Variants in MYO10 observed in about 807,000 individuals in gnomAD.
MYO10 encodes the protein myosin X.
MYO10 carries 133 observed loss-of-function variants against 257.3 expected under a neutral mutation model. The ratio of observed to expected loss-of-function variants is 0.52; its 90% CI spans 0.45 to 0.60. The LOEUF is 0.60. Ranked by LOEUF, MYO10 falls within the 20% of genes least tolerant of loss-of-function variation. The pLI, the probability that MYO10 is intolerant of heterozygous loss-of-function variation, is 0.00. For missense variants in MYO10, 2,399 were observed against 2,635.7 expected, an observed-to-expected ratio of 0.91 and a Z score of 1.97; for synonymous variants, 1,104 against 1,028.6, an observed-to-expected ratio of 1.07 and a Z score of -1.40.
chr5:16,787,210 G>A (rs1170714681), intron 4 of MYO10, among the ~76,000 whole-genome samples: 1 of 152,026 alleles, frequency 6.6e-6, no homozygotes, highest in East Asian at 1.9e-4. Context: ...ATGAAGCCAG[G>A]TTGAAGAACT....
chr5:16,737,262 T>A (rs1183419716), intron 19 of MYO10, among the ~76,000 whole-genome samples: 1 of 152,184 alleles, frequency 6.6e-6, no homozygotes, highest in Non-Finnish European at 1.5e-5. Context: ...CAAACAGTAT[T>A]CCCTTTTAAG....
chr5:16,755,543 A>C (rs1740504662), intron 18 of MYO10, among the ~76,000 whole-genome samples: 1 of 152,224 alleles, frequency 6.6e-6, no homozygotes, highest in Non-Finnish European at 1.5e-5. Flanking sequence ...TAGTACAGAA[A>C]AACTGAGAAA....
At chr5:16,879,986 T>C (rs1394694365) in intron 1 of MYO10, among the ~76,000 whole-genome samples, 8 of 152,152 alleles carry the variant, frequency 5.3e-5, no homozygotes, top group Non-Finnish European at 8.8e-5. Context: ...GAGACCAGCC[T>C]GGCCAACGTG....
chr5:16,726,006 A>G lies in MYO10; in HGVS notation c.1930-14761T>C, dbSNP rs892868018. ...GACCATGTTGGCCAGGCTGGTCTCAAACTTCTGACCTCAAGGTGATCCACC... is the reference window on the plus strand; with the variant it reads ...GACCATGTTGGCCAGGCTGGTCTCAGACTTCTGACCTCAAGGTGATCCACC... On this transcript the variant is annotated intron_variant, in intron 19 of 40. Coordinates refer to ENST00000513610, the MANE Select transcript of MYO10 (RefSeq NM_012334.3). Among the ~76,000 whole-genome samples, 4 of 152,040 alleles carry G rather than the reference A, an allele frequency of 2.6e-5. No individual in the cohort carries two copies. The East Asian group carries it at 7.7e-4, about 29-fold the overall frequency.
chr5:16,689,970 A>G, intron 27 of MYO10, 51 bp from the exon 28 acceptor site: 1 of 1,340,710 alleles, frequency 7.5e-7, no homozygotes, highest in Non-Finnish European at 1.1e-6. Context: ...CAAATTCTGA[A>G]TAACTGAGGA....
At chr5:16,882,614 C>T (rs917376160) in intron 1 of MYO10, among the ~76,000 whole-genome samples, 1 of 151,910 alleles carries the variant, frequency 6.6e-6, no homozygotes, top group Non-Finnish European at 1.5e-5. Context: ...CAAAGATGGA[C>T]CATACACATC....
At chr5:16,831,918 G>A (rs1561008278) in intron 2 of MYO10, among the ~76,000 whole-genome samples, 1 of 152,116 alleles carries the variant, frequency 6.6e-6, no homozygotes. Context: ...TGTGTGGCAA[G>A]TTTATAGGTT....
At chr5:16,812,347 A>C (rs150318350) in intron 3 of MYO10, among the ~76,000 whole-genome samples, 1 of 152,154 alleles carries the variant, frequency 6.6e-6, no homozygotes, top group African/African-American at 2.4e-5. Context: ...TGCAGCTTAA[A>C]CCACGCAGTC....
intron 19 of MYO10, among the ~76,000 whole-genome samples, chr5:16,750,528 G>A (rs969596700): frequency 6.6e-6 from 1 of 152,160 alleles, no homozygotes; most frequent in Non-Finnish European, 1.5e-5. Flanking sequence ...TGCCGTAGCA[G>A]CCAGGGCGGG....
intron 1 of MYO10, among the ~76,000 whole-genome samples, chr5:16,889,505 AG>A: frequency 1.7e-5 from 1 of 58,964 alleles, no homozygotes; most frequent in South Asian, 4.2e-4. Context: ...GAAGGAAGGA[AG>A]GAAGGAAGGA....
At chr5:16,744,312 C>A (rs1256028877) in intron 19 of MYO10, among the ~76,000 whole-genome samples, 2 of 152,122 alleles carry the variant, frequency 1.3e-5, no homozygotes, top group African/African-American at 4.8e-5. Context: ...ATACACATAA[C>A]CACCCTCCCT....
chr5:16,873,022 C>A (rs932958843), intron 2 of MYO10, among the ~76,000 whole-genome samples: 1 of 152,144 alleles, frequency 6.6e-6, no homozygotes, highest in Non-Finnish European at 1.5e-5. Context: ...CCAATCATGC[C>A]TTCCCAATGG....
chr5:16,685,146 TTTG>T (rs1353604122), intron 29 of MYO10, among the ~76,000 whole-genome samples: 2 of 152,206 alleles, frequency 1.3e-5, no homozygotes, highest in African/African-American at 2.4e-5. Flanking sequence ...GATTATTTCT[TTTG>T]TTCTTTTAAA....
intron 2 of MYO10, among the ~76,000 whole-genome samples, chr5:16,853,146 G>A (rs142965608): frequency 0.012 from 1,817 of 152,166 alleles, 34 homozygotes; most frequent in Middle Eastern, 0.031. Context: ...TGAGGTGGGC[G>A]GATCACACAG....
chr5:16,685,163 T>G (rs1048126202), intron 29 of MYO10, among the ~76,000 whole-genome samples: 12 of 152,172 alleles, frequency 7.9e-5, no homozygotes, highest in Admixed American at 2.0e-4. Flanking sequence ...TTTTAAAGGT[T>G]TGAGGTGAGA....
intron 37 of MYO10, 58 bp from the exon 38 acceptor site, chr5:16,671,600 C>T (rs180868848): frequency 1.7e-5 from 27 of 1,602,308 alleles, no homozygotes; most frequent in Middle Eastern, 3.4e-4. Flanking sequence ...TTCAGTGACC[C>T]GCAGGGACCT....
chr5:16,892,936 C>G (rs1460270398), intron 1 of MYO10, among the ~76,000 whole-genome samples: 2 of 152,112 alleles, frequency 1.3e-5, no homozygotes, highest in Non-Finnish European at 2.9e-5. Flanking sequence ...TGGCTCACAC[C>G]TGTAATCCCA....
At position 16,666,764 on chromosome 5, in the gene MYO10, G is replaced by C. The variant is rs981303363; in HGVS notation, c.6105C>G (p.Ala2035=). Reference sequence around the variant, plus strand: ...GCTTCTTCACGATCATGCTGATGTAGGCTTTCATGAGCTTGGCCACATCCA... The same window carrying C: ...GCTTCTTCACGATCATGCTGATGTACGCTTTCATGAGCTTGGCCACATCCA... ...EVVDVAKLMK[A]YISMIVKKRY... Residue 2035 remains alanine, a synonymous_variant, in exon 41 of 41, where the codon GCC becomes GCG. Coordinates refer to ENST00000513610, the MANE Select transcript of MYO10 (RefSeq NM_012334.3). 6.2e-7 allele frequency: 1 copy of C among 1,607,122 alleles called. No homozygotes were observed. Among genetic ancestry groups the C allele is most frequent in the Non-Finnish European group, 8.5e-7 (1 of 1,177,988 alleles).
intron 6 of MYO10, among the ~76,000 whole-genome samples, chr5:16,781,356 A>G (rs1377483726): frequency 1.3e-5 from 2 of 152,220 alleles, no homozygotes; most frequent in African/African-American, 4.8e-5. Flanking sequence ...CTGGGATTAC[A>G]GGCATGAGCC....
Sources: allele counts gnomAD v4.1 joint callset (sites outside exome capture counted in the v4.1 genomes callset), GRCh38; gene constraint gnomAD v4.1.1; transcripts MANE v1.5; gene names NCBI Gene and HGNC (gene_info 2026-07-23, HGNC 2026-07-21).